GPC6: variants seen among roughly 807,000 people sequenced by gnomAD.
The protein encoded by GPC6 is glypican-6.
A neutral mutation model predicts 55.2 loss-of-function variants in GPC6; 14 were observed. That is an observed-to-expected ratio of 0.25 (90% CI 0.17 to 0.40). The LOEUF (loss-of-function observed/expected upper bound fraction) is 0.40. GPC6 is among the 10% of genes least tolerant of loss of function. The pLI is 1.00. For synonymous variants in GPC6, 278 were observed against 259.6 expected, an observed-to-expected ratio of 1.07 and a Z score of -0.68; for missense variants, 641 against 708.5, an observed-to-expected ratio of 0.90 and a Z score of 1.08.
At chr13:93,352,228 T>C (rs1594112713) in intron 1 of GPC6, among the ~76,000 whole-genome samples, 1 of 152,166 alleles carries the variant, frequency 6.6e-6, no homozygotes, top group South Asian at 2.1e-4. Context: ...GCTAATTTTA[T>C]GGTATGCGAA....
At chr13:93,670,329 A>G (rs1566478277) in intron 2 of GPC6, among the ~76,000 whole-genome samples, 1 of 152,210 alleles carries the variant, frequency 6.6e-6, no homozygotes, top group African/African-American at 2.4e-5. Flanking sequence ...GATGACTGCC[A>G]TGTCTTAGTT....
chr13:94,277,522 T>A (rs2139073004), intron 4 of GPC6, among the ~76,000 whole-genome samples: 1 of 152,366 alleles, frequency 6.6e-6, no homozygotes, highest in African/African-American at 2.4e-5. Flanking sequence ...ATGTCCTGAA[T>A]GGTATTGCCT....
chr13:93,486,255 A>T (rs1242439673), intron 1 of GPC6, among the ~76,000 whole-genome samples: 1 of 152,160 alleles, frequency 6.6e-6, no homozygotes, highest in African/African-American at 2.4e-5. Context: ...GAGGTGAGCA[A>T]ATGTCACAGT....
intron 2 of GPC6, among the ~76,000 whole-genome samples, chr13:93,812,645 A>G (rs954074736): frequency 6.6e-6 from 1 of 152,212 alleles, no homozygotes; most frequent in Non-Finnish European, 1.5e-5. Flanking sequence ...TGAGAAAAGT[A>G]GTGTTCATTT....
intron 2 of GPC6, among the ~76,000 whole-genome samples, chr13:93,618,363 C>A (rs933757453): frequency 4.6e-5 from 7 of 152,030 alleles, no homozygotes; most frequent in African/African-American, 1.2e-4. Flanking sequence ...AAATCAGCAA[C>A]TGTACACCTA....
intron 4 of GPC6, among the ~76,000 whole-genome samples, chr13:94,169,159 C>G (rs185482244): frequency 6.6e-6 from 1 of 152,160 alleles, no homozygotes; most frequent in African/African-American, 2.4e-5. Flanking sequence ...TAGGAAACAA[C>G]GTTTGCAATA....
intron 1 of GPC6, among the ~76,000 whole-genome samples, chr13:93,467,930 T>C (rs562060807): frequency 6.6e-6 from 1 of 152,228 alleles, no homozygotes; most frequent in South Asian, 2.1e-4. Flanking sequence ...AAGTGTTTGA[T>C]GCCAGGTGAC....
intron 1 of GPC6, among the ~76,000 whole-genome samples, chr13:93,314,754 T>TGTGTGCGCGC (rs1555290021): frequency 1.0e-4 from 15 of 149,400 alleles, no homozygotes; most frequent in African/African-American, 3.7e-4. Flanking sequence ...TGTGTGTGTG[T>TGTGTGCGCGC]GTGCACGCAT....
intron 2 of GPC6, among the ~76,000 whole-genome samples, chr13:93,828,414 T>C (rs562811543): frequency 6.6e-6 from 1 of 152,060 alleles, no homozygotes; most frequent in Non-Finnish European, 1.5e-5. Flanking sequence ...ACTAGATAAC[T>C]AGCATTTTTG....
chr13:94,151,186 T>C (rs893768103), intron 4 of GPC6, among the ~76,000 whole-genome samples: 2 of 152,002 alleles, frequency 1.3e-5, no homozygotes, highest in Admixed American at 1.3e-4. Flanking sequence ...AATGCTGACT[T>C]TTTTACACCT....
At chr13:94,250,744 G>A (rs1891323135) in intron 4 of GPC6, among the ~76,000 whole-genome samples, 1 of 152,142 alleles carries the variant, frequency 6.6e-6, no homozygotes, top group Admixed American at 6.6e-5. Flanking sequence ...AGAGGTGGCA[G>A]TGGGGTTGTA....
intron 1 of GPC6, among the ~76,000 whole-genome samples, chr13:93,295,501 G>T (rs1878463699): frequency 6.6e-6 from 1 of 151,662 alleles, no homozygotes; most frequent in Non-Finnish European, 1.5e-5. Context: ...TTGTTTGTTT[G>T]TGTGTGTGTG....
chr13:93,952,392 G>GA (rs983804093), intron 3 of GPC6, among the ~76,000 whole-genome samples: 3 of 152,162 alleles, frequency 2.0e-5, no homozygotes, highest in Admixed American at 1.3e-4. Flanking sequence ...ATCCTGAGTT[G>GA]ATATGTAGAA....
At chr13:94,026,593 T>C (rs746866519) in intron 3 of GPC6, among the ~76,000 whole-genome samples, 1 of 152,116 alleles carries the variant, frequency 6.6e-6, no homozygotes, top group Non-Finnish European at 1.5e-5. Context: ...TAAGAGTAGT[T>C]TTCTGTATTT....
chr13:93,563,449 A>G (rs778267797), intron 2 of GPC6, among the ~76,000 whole-genome samples: 1 of 152,000 alleles, frequency 6.6e-6, no homozygotes, highest in Admixed American at 6.6e-5. Flanking sequence ...ATGCACACAG[A>G]TACAAATGAC....
At chr13:93,941,737 GTATATC>G (rs998412711) in intron 3 of GPC6, among the ~76,000 whole-genome samples, 11 of 152,052 alleles carry the variant, frequency 7.2e-5, no homozygotes, top group African/African-American at 2.4e-4. Context: ...ACAAGAAATA[GTATATC>G]TATCAAAATA....
chr13:94,062,093 A>T (rs927111418), intron 4 of GPC6, among the ~76,000 whole-genome samples: 2 of 152,178 alleles, frequency 1.3e-5, no homozygotes, highest in Non-Finnish European at 2.9e-5. Flanking sequence ...AGAAATCTCT[A>T]TCAAATTTCC....
At chr13:94,365,759 ATAAG>A (rs1375622359) in intron 6 of GPC6, among the ~76,000 whole-genome samples, 1 of 152,198 alleles carries the variant, frequency 6.6e-6, no homozygotes, top group Non-Finnish European at 1.5e-5. Context: ...CTTACGTAAG[ATAAG>A]TAAGATATCA....
intron 1 of GPC6, among the ~76,000 whole-genome samples, chr13:93,263,433 T>C (rs1231419952): frequency 6.6e-6 from 1 of 152,184 alleles, no homozygotes; most frequent in Non-Finnish European, 1.5e-5. Flanking sequence ...GGCATGACCT[T>C]GGCTGACTGC....
Sources: gnomAD v4.1 joint callset for allele counts (sites outside exome capture counted in the v4.1 genomes callset) on GRCh38, gnomAD v4.1.1 for gene constraint, MANE v1.5 for transcripts, NCBI Gene and HGNC (gene_info 2026-07-23, HGNC 2026-07-21) for gene names.